The following MEMO1 variants were observed in gnomAD, a reference collection of about 807,000 sequenced individuals.
MEMO1 encodes the protein mediator of cell motility 1, also known as protein MEMO1.
MEMO1 carries 6 observed loss-of-function variants against 45.2 expected under a neutral mutation model. The ratio of observed to expected loss-of-function variants is 0.13; its 90% CI spans 0.07 to 0.26. The LOEUF is 0.26. Among genes scored for constraint, MEMO1 ranks in the 10% least tolerant of loss-of-function variants. MEMO1 has a pLI of 1.00. For synonymous variants in MEMO1, 78 were observed against 124.3 expected (o/e 0.63, Z 2.48); for missense variants, 184 against 370.5 (o/e 0.50, Z 4.13).
At chr2:31,988,566 A>G (rs921967438) in intron 2 of MEMO1, among the ~76,000 whole-genome samples, 15 of 152,290 alleles carry the variant, frequency 9.8e-5, no homozygotes, top group Admixed American at 9.8e-4. Context: ...AAAAAAATTT[A>G]AAAAGTAACA....
intron 2 of MEMO1, among the ~76,000 whole-genome samples, chr2:31,990,259 C>A (rs549905686): frequency 6.6e-6 from 1 of 152,256 alleles, no homozygotes; most frequent in Admixed American, 6.5e-5. Flanking sequence ...TTCTATTAAG[C>A]TAGACATTAA....
chr2:31,935,262 G>C (rs1664774526), intron 3 of MEMO1, among the ~76,000 whole-genome samples: 1 of 152,168 alleles, frequency 6.6e-6, no homozygotes, highest in Non-Finnish European at 1.5e-5. Context: ...TTACATGTTT[G>C]AAGGAAGAAA....
chr2:31,951,211 T>C (rs1212041700), intron 2 of MEMO1, among the ~76,000 whole-genome samples: 2 of 152,228 alleles, frequency 1.3e-5, no homozygotes, highest in African/African-American at 4.8e-5. Context: ...TCAGTAGGAT[T>C]AACTACCAAA....
At position 31,867,999 on chromosome 2, in the gene MEMO1, C is replaced by T. The variant is rs1473125221; in HGVS notation, c.*362G>A. 6.5e-6 allele frequency: 1 copy of T among 154,970 alleles called. No individual in the cohort carries two copies. The highest frequency in any genetic ancestry group is 1.4e-5 in the Non-Finnish European group (1 of 69,804). The allele number at this position is 154,970 out of a possible 1,614,324, so 9.6% of individuals were successfully genotyped here. On this transcript the variant is annotated 3_prime_UTR_variant, in exon 10 of 10. Coordinates refer to ENST00000404530, the MANE Select transcript of MEMO1 (RefSeq NM_001301833.4). ...GTTTGTTTGTGTACAATTTGCAAAA[C>T]TATTCTGAAAGCGGAATATATGTGC...
intron 6 of MEMO1, 110 bp from the exon 7 acceptor site, chr2:31,892,244 C>G (rs1418130963): frequency 1.1e-6 from 1 of 892,284 alleles, no homozygotes; most frequent in Middle Eastern, 2.5e-4. Flanking sequence ...GTAAGGATAA[C>G]ATATGTAATT....
At chr2:31,905,891 A>G (rs1175030901) in intron 6 of MEMO1, among the ~76,000 whole-genome samples, 1 of 151,724 alleles carries the variant, frequency 6.6e-6, no homozygotes, top group Non-Finnish European at 1.5e-5. Flanking sequence ...TTTTTACTAC[A>G]CTATTTCTAT....
At chr2:32,009,784 G>A (rs910112066) in intron 2 of MEMO1, among the ~76,000 whole-genome samples, 1 of 152,136 alleles carries the variant, frequency 6.6e-6, no homozygotes, top group Admixed American at 6.5e-5. Context: ...GCTCGGCGCC[G>A]GGCACACCGT....
At chr2:31,996,418 C>T (rs1341114238) in intron 2 of MEMO1, among the ~76,000 whole-genome samples, 1 of 151,980 alleles carries the variant, frequency 6.6e-6, no homozygotes, top group Non-Finnish European at 1.5e-5. Context: ...TGGTGGTGCA[C>T]ACCCGTAGTC....
In MEMO1 at chr2:31,920,759, A is replaced by G. The variant is rs201797770; in HGVS notation, c.325+39T>C. The G allele has an allele frequency of 5.5e-5, 65 of 1,184,804 alleles. No individual in the cohort carries two copies. In the African/African-American group the frequency reaches 1.0e-3, roughly 18 times the overall value. 73.4% of individuals were successfully genotyped at this position (1,184,804 alleles called of 1,614,324 possible). A position where few individuals can be genotyped will look rare whatever the true frequency, so the allele number is the denominator to read the frequency against. ...AATTTACAAGTCCTGTTAAAAGAAC[A>G]TTAGCTATTTGAAAGCTATAATATT... On this transcript the variant is annotated intron_variant, in intron 5 of 9. Transcript: ENST00000404530.
rs191399024 is a variant in MEMO1 at position 31,869,221 on chromosome 2, T to C, written c.762+627A>G. Among the ~76,000 whole-genome samples, 6 of 152,246 alleles carry C rather than the reference T, an allele frequency of 3.9e-5. No homozygotes were observed. The East Asian group carries it at 1.2e-3, about 29-fold the overall frequency. ...TTCCCTGCCTCTCCAAATAAGCCCA[T>C]TGTTACTTTCTCCTCCCATTCCTGA... On this transcript the variant is annotated intron_variant, in intron 9 of 9. Coordinates refer to ENST00000404530, the MANE Select transcript of MEMO1 (RefSeq NM_001301833.4).
chr2:31,868,865 A>T (rs1332502664), intron 9 of MEMO1, among the ~76,000 whole-genome samples: 1 of 152,186 alleles, frequency 6.6e-6, no homozygotes, highest in African/African-American at 2.4e-5. Context: ...CTTTGACTAA[A>T]TTTGAAATGT....
At chr2:31,997,074 G>A (rs1474218426) in intron 2 of MEMO1, among the ~76,000 whole-genome samples, 2 of 152,016 alleles carry the variant, frequency 1.3e-5, no homozygotes, top group African/African-American at 4.8e-5. Flanking sequence ...TCTGCAAAAG[G>A]CATCTCCAGA....
chr2:31,869,790 T>C, intron 9 of MEMO1, 58 bp downstream of exon 9: 1 of 1,517,054 alleles, frequency 6.6e-7, no homozygotes, highest in Non-Finnish European at 8.8e-7. Flanking sequence ...ACAATGATAA[T>C]ATTTTGGAAT....
chr2:31,983,300 TA>T (rs1670879129), intron 2 of MEMO1, among the ~76,000 whole-genome samples: 1 of 152,180 alleles, frequency 6.6e-6, no homozygotes, highest in Non-Finnish European at 1.5e-5. Flanking sequence ...TAAAAATGGA[TA>T]GATACAGAAA....
At chr2:31,905,975 A>G (rs966363818) in intron 6 of MEMO1, among the ~76,000 whole-genome samples, 2 of 144,248 alleles carry the variant, frequency 1.4e-5, no homozygotes, top group Non-Finnish European at 3.1e-5. Flanking sequence ...TTTTTTCTTT[A>G]TTTTTTTTTT....
chr2:31,990,766 T>C (rs959752150), intron 2 of MEMO1, among the ~76,000 whole-genome samples: 1 of 152,046 alleles, frequency 6.6e-6, no homozygotes, highest in East Asian at 1.9e-4. Context: ...TCTAGTGATA[T>C]ACATAACCCA....
intron 8 of MEMO1, among the ~76,000 whole-genome samples, chr2:31,879,097 C>A (rs1004759374): frequency 1.3e-5 from 2 of 152,176 alleles, no homozygotes; most frequent in Non-Finnish European, 2.9e-5. Flanking sequence ...AATCAGTTAA[C>A]ATTTAAACAT....
intron 8 of MEMO1, among the ~76,000 whole-genome samples, chr2:31,870,542 T>G (rs562880669): frequency 6.6e-6 from 1 of 152,288 alleles, no homozygotes; most frequent in South Asian, 2.1e-4. Flanking sequence ...ATATTTTAAT[T>G]AATTTAAAGC....
intron 4 of MEMO1, among the ~76,000 whole-genome samples, chr2:31,931,774 A>G (rs1434295148): frequency 6.6e-6 from 1 of 152,298 alleles, no homozygotes; most frequent in Non-Finnish European, 1.5e-5. Context: ...ATTTTTCTTA[A>G]GAATGCTCAT....
Sources: allele counts gnomAD v4.1 joint callset (sites outside exome capture counted in the v4.1 genomes callset), GRCh38; gene constraint gnomAD v4.1.1; transcripts MANE v1.5; gene names NCBI Gene and HGNC (gene_info 2026-07-23, HGNC 2026-07-21).